The following RALGAPA2 variants were observed in gnomAD, a reference collection of about 807,000 sequenced individuals.
RALGAPA2 encodes the protein ral GTPase-activating protein subunit alpha-2.
RALGAPA2 carries 139 observed loss-of-function variants against 230.4 expected under a neutral mutation model. The observed-to-expected ratio is 0.60, with a 90% CI of 0.53 to 0.69. The LOEUF (loss-of-function observed/expected upper bound fraction) is 0.69, where lower values mean the gene tolerates loss of function less well. RALGAPA2 is among the 30% of genes least tolerant of loss of function. The probability of loss-of-function intolerance (pLI) is 0.00; values close to 1 mark genes in which losing one functional copy is unlikely to be tolerated. For synonymous variants in RALGAPA2, 847 were observed against 837.8 expected (o/e 1.01, Z -0.19); for missense variants, 2,163 against 2,276.0 (o/e 0.95, Z 1.01).
At chr20:20,690,999 A>G (rs2068884215) in intron 1 of RALGAPA2, among the ~76,000 whole-genome samples, 1 of 152,116 alleles carries the variant, frequency 6.6e-6, no homozygotes, top group Admixed American at 6.6e-5. Flanking sequence ...TATATATATG[A>G]TGCCTGACTC....
chr20:20,657,852 T>A (rs1435762020), intron 3 of RALGAPA2, among the ~76,000 whole-genome samples: 1 of 152,238 alleles, frequency 6.6e-6, no homozygotes, highest in East Asian at 1.9e-4. Flanking sequence ...ATTAGATGAA[T>A]GCTTGACATA....
In RALGAPA2 at chr20:20,393,254, C is replaced by G; in HGVS notation, c.*36-1G>C. 1.5e-6 allele frequency: 2 copies of G among 1,342,790 alleles called. No homozygotes were observed. The highest frequency in any genetic ancestry group is 2.0e-6 in the Non-Finnish European group (2 of 1,010,572). The allele number at this position is 1,342,790 out of a possible 1,614,324, so 83.2% of individuals were successfully genotyped here. ...GCACTCAGACTGGAGGCCAGGGCCC[C>G]TGCAAAGGAAGCAGAGAACTGCTAA... On this transcript the variant is annotated splice_acceptor_variant, in intron 39 of 39. Transcript: ENST00000202677. LOFTEE classifies it low-confidence loss of function (3UTR_SPLICE).
At position 20,505,867 on chromosome 20, in the gene RALGAPA2, C is replaced by T. The variant is rs564503864; in HGVS notation, c.4929-333G>A. Among the ~76,000 whole-genome samples the T allele has an allele frequency of 2.6e-5, 4 of 152,226 alleles. No homozygotes were observed. The East Asian group carries it at 5.8e-4, about 22-fold the overall frequency. On this transcript the variant is annotated intron_variant, in intron 33 of 39. Transcript: ENST00000202677. ...CCATACCCTCAGACATAAGATACAC[C>T]GACCAGAAGGCTGGGGCACACCATT...
chr20:20,596,723 C>T (rs957391665), intron 16 of RALGAPA2, among the ~76,000 whole-genome samples: 1 of 152,210 alleles, frequency 6.6e-6, no homozygotes, highest in African/African-American at 2.4e-5. Context: ...ACAAAGATGG[C>T]AAAGGCAGGA....
chr20:20,595,440 A>G (rs6132322), intron 16 of RALGAPA2, among the ~76,000 whole-genome samples: 11,312 of 152,276 alleles, frequency 0.074, 587 homozygotes, highest in East Asian at 0.16. Context: ...AGGGTAAATC[A>G]GACCAGGTCC....
chr20:20,527,300 T>C (rs1019446852), intron 27 of RALGAPA2, among the ~76,000 whole-genome samples: 1 of 152,210 alleles, frequency 6.6e-6, no homozygotes, highest in Admixed American at 6.5e-5. Context: ...AAACAGTTAC[T>C]GACTACCCCT....
In RALGAPA2 at chr20:20,495,269, G is replaced by T; in HGVS notation, c.5215C>A (p.His1739Asn). ...ATATGGACCTCGTCATTCCCCAAGTGACGAAGCTGCAACAGCAAATTGACT... is the reference window on the plus strand; with the variant it reads ...ATATGGACCTCGTCATTCCCCAAGTTACGAAGCTGCAACAGCAAATTGACT... ...SDDSLTKKLR[H>N]LGNDEVHIVW... The change falls in exon 36 of 40, where the codon CAC (histidine) becomes AAC (asparagine). Residue 1739 changes from histidine (H) to asparagine (N), a missense_variant. Coordinates refer to ENST00000202677, the MANE Select transcript of RALGAPA2 (RefSeq NM_020343.4). The T allele has an allele frequency of 6.6e-7, 1 of 1,520,696 alleles. No individual in the cohort carries two copies. Among genetic ancestry groups the T allele is most frequent in the South Asian group, 1.3e-5 (1 of 77,718 alleles). The allele number at this position is 1,520,696 out of a possible 1,614,324, so 94.2% of individuals were successfully genotyped here.
At chr20:20,548,846 T>G (rs1170133315) in intron 23 of RALGAPA2, among the ~76,000 whole-genome samples, 1 of 152,336 alleles carries the variant, frequency 6.6e-6, no homozygotes, top group East Asian at 1.9e-4. Context: ...GGGACTTGTC[T>G]CGGAATATCA....
intron 38 of RALGAPA2, among the ~76,000 whole-genome samples, chr20:20,401,677 T>C (rs1434725924): frequency 1.3e-5 from 2 of 152,170 alleles, no homozygotes; most frequent in African/African-American, 4.8e-5. Context: ...ATGATGACTG[T>C]GGGAGGACAG....
Position 20,583,047 on chromosome 20 carries a change from T to C in RALGAPA2, c.2707+3A>G, listed in dbSNP as rs369189295. On this transcript the variant is annotated splice_donor_region_variant and intron_variant, in intron 20 of 39. Transcript: ENST00000202677. ...AGTGCCTCTTTTTCAAAATGCAATT[T>C]ACCTGTTAAATTTGAAGCATCGGTG... 3.5e-5 allele frequency: 56 copies of C among 1,612,986 alleles called. No homozygotes were observed. The African/African-American group carries it at 4.9e-4, about 14-fold the overall frequency.
chr20:20,673,234 GA>G (rs891130051), intron 3 of RALGAPA2, among the ~76,000 whole-genome samples: 5 of 149,706 alleles, frequency 3.3e-5, no homozygotes, highest in African/African-American at 2.4e-5. Flanking sequence ...TTAAAAAAAT[GA>G]AAAAAAAGAA....
At chr20:20,577,560 C>A (rs1036917287) in intron 20 of RALGAPA2, among the ~76,000 whole-genome samples, 6 of 152,108 alleles carry the variant, frequency 3.9e-5, no homozygotes, top group Non-Finnish European at 8.8e-5. Flanking sequence ...GTGCAAAAAA[C>A]CTAATTATGG....
At chr20:20,559,703 T>C (rs2064198325) in intron 23 of RALGAPA2, among the ~76,000 whole-genome samples, 4 of 150,582 alleles carry the variant, frequency 2.7e-5, no homozygotes, top group Admixed American at 2.6e-4. Flanking sequence ...GTGTAGATTT[T>C]TGAGCTAATG....
rs370823851 is a variant in RALGAPA2, at chr20:20,393,006, A to G, written c.*283T>C. The G allele has an allele frequency of 2.6e-6, 3 of 1,154,492 alleles. No homozygotes were observed. Among genetic ancestry groups the G allele is most frequent in the Non-Finnish European group, 2.3e-6 (2 of 870,490 alleles). 71.5% of individuals were successfully genotyped at this position (1,154,492 alleles called of 1,614,324 possible). ...TTTTCTTTTCTTCTTTGGAAGTCCA[A>G]GGTTTGTGAGGTTTCAGGACAAGAT... is the stretch of plus-strand genomic sequence containing the variant. On this transcript the variant is annotated 3_prime_UTR_variant, in exon 40 of 40. Coordinates refer to ENST00000202677, the MANE Select transcript of RALGAPA2 (RefSeq NM_020343.4).
At chr20:20,533,439 T>C (rs531827430) in intron 26 of RALGAPA2, among the ~76,000 whole-genome samples, 1 of 152,268 alleles carries the variant, frequency 6.6e-6, no homozygotes, top group Admixed American at 6.5e-5. Context: ...TGATTCACTA[T>C]ATAGGACAAT....
At chr20:20,534,011 A>C (rs1354280171) in intron 26 of RALGAPA2, among the ~76,000 whole-genome samples, 1 of 152,232 alleles carries the variant, frequency 6.6e-6, no homozygotes, top group Non-Finnish European at 1.5e-5. Flanking sequence ...AGAGAAGTTG[A>C]ACAAAGACAA....
At chr20:20,621,977 A>C (rs1251206820) in intron 10 of RALGAPA2, among the ~76,000 whole-genome samples, 1 of 152,216 alleles carries the variant, frequency 6.6e-6, no homozygotes, top group Non-Finnish European at 1.5e-5. Context: ...CACAGGATCC[A>C]GTTACAGGCA....
rs114895764 is a variant in RALGAPA2, at chr20:20,470,205, A to G, written c.5495+2624T>C. 3.2e-3 allele frequency among the ~76,000 whole-genome samples: 494 copies of G among 152,336 alleles called. 3 individuals carry two copies. The highest frequency in any genetic ancestry group is 0.011 in the African/African-American group (476 of 41,572). ...ACTTCTCAAAAAGACCCCCAAAGGG[A>G]AAATTTGCTCCAGCAATGCCCCCAT... On this transcript the variant is annotated intron_variant, in intron 37 of 39. Coordinates refer to ENST00000202677, the MANE Select transcript of RALGAPA2 (RefSeq NM_020343.4).
At chr20:20,656,164 G>C (rs1393507144) in intron 3 of RALGAPA2, among the ~76,000 whole-genome samples, 1 of 152,230 alleles carries the variant, frequency 6.6e-6, no homozygotes, top group African/African-American at 2.4e-5. Context: ...AGCTCTGGAG[G>C]TATCCGTGAG....
Sources: gnomAD v4.1 joint callset for allele counts (sites outside exome capture counted in the v4.1 genomes callset) on GRCh38, gnomAD v4.1.1 for gene constraint, MANE v1.5 for transcripts, NCBI Gene and HGNC (gene_info 2026-07-23, HGNC 2026-07-21) for gene names.